The following ADGRL3 variants were observed in gnomAD, a reference collection of about 807,000 sequenced individuals.
ADGRL3 encodes adhesion G protein-coupled receptor L3.
Under a neutral mutation model 153.5 loss-of-function variants are expected in ADGRL3, and 62 were observed. The ratio of observed to expected loss-of-function variants is 0.40; its 90% CI spans 0.33 to 0.50. The LOEUF is 0.50. ADGRL3 is among the 20% of genes least tolerant of loss of function. The pLI is 0.47. For missense variants in ADGRL3, 1,641 were observed against 1,859.4 expected (o/e 0.88, Z 2.16); for synonymous variants, 710 against 672.5 (o/e 1.06, Z -0.86).
chr4:61,498,735 A>G (rs2098349719), intron 3 of ADGRL3, among the ~76,000 whole-genome samples: 1 of 152,178 alleles, frequency 6.6e-6, no homozygotes, highest in African/African-American at 2.4e-5. Context: ...GTACCTTTGC[A>G]AATTTTATAA....
intron 8 of ADGRL3, among the ~76,000 whole-genome samples, chr4:61,787,078 G>C (rs1010684596): frequency 3.0e-4 from 46 of 152,188 alleles, no homozygotes; most frequent in African/African-American, 1.1e-3. Flanking sequence ...CCTGGGCAAG[G>C]TATACCTTGA....
intron 6 of ADGRL3, among the ~76,000 whole-genome samples, chr4:61,682,645 A>T (rs1263921639): frequency 6.6e-6 from 1 of 150,402 alleles, no homozygotes; most frequent in African/African-American, 2.4e-5. Flanking sequence ...GTCTTAAGCA[A>T]TCTTCCCGCC....
At chr4:61,861,308 A>C (rs1258914510) in intron 9 of ADGRL3, among the ~76,000 whole-genome samples, 1 of 152,208 alleles carries the variant, frequency 6.6e-6, no homozygotes, top group Non-Finnish European at 1.5e-5. Context: ...GTGAAGATTA[A>C]ATCAAATAAC....
chr4:61,631,971 C>A (rs2150035098), intron 5 of ADGRL3, among the ~76,000 whole-genome samples: 1 of 152,068 alleles, frequency 6.6e-6, no homozygotes, highest in South Asian at 2.1e-4. Flanking sequence ...GTAGTGTTTT[C>A]TTTAAAAGTA....
At chr4:61,532,722 G>C (rs1196205838) in intron 4 of ADGRL3, among the ~76,000 whole-genome samples, 2 of 150,588 alleles carry the variant, frequency 1.3e-5, no homozygotes, top group African/African-American at 4.9e-5. Flanking sequence ...AAAACCGATA[G>C]TAACACCAGC....
intron 9 of ADGRL3, among the ~76,000 whole-genome samples, chr4:61,818,805 G>T (rs1375915192): frequency 6.6e-6 from 1 of 152,028 alleles, no homozygotes; most frequent in Non-Finnish European, 1.5e-5. Flanking sequence ...CTCCTAAATT[G>T]TTCTGTGATT....
chr4:61,890,769 G>A (rs1252551747), intron 9 of ADGRL3, among the ~76,000 whole-genome samples: 1 of 152,086 alleles, frequency 6.6e-6, no homozygotes, highest in Non-Finnish European at 1.5e-5. Flanking sequence ...GTAGTATGAT[G>A]TCAAAAAAGA....
intron 5 of ADGRL3, among the ~76,000 whole-genome samples, chr4:61,613,687 T>A (rs1197230925): frequency 6.6e-6 from 1 of 152,184 alleles, no homozygotes; most frequent in African/African-American, 2.4e-5. Flanking sequence ...GAGGCTGCAA[T>A]GAGCCAAAAT....
chr4:62,031,728 T>C (rs956561926), intron 23 of ADGRL3, 118 bp downstream of exon 23: 21 of 692,298 alleles, frequency 3.0e-5, no homozygotes, highest in Admixed American at 9.0e-5. Context: ...ATAAAGATAC[T>C]CATCATTTAT....
At chr4:61,367,853 A>G (rs1221989701) in intron 1 of ADGRL3, among the ~76,000 whole-genome samples, 1 of 130,852 alleles carries the variant, frequency 7.6e-6, no homozygotes, top group Non-Finnish European at 1.6e-5. Flanking sequence ...CAGTCCCACC[A>G]ACAGTGTAAA....
At chr4:61,229,050 G>A (rs767438212) in intron 1 of ADGRL3, among the ~76,000 whole-genome samples, 6 of 152,172 alleles carry the variant, frequency 3.9e-5, no homozygotes, top group Non-Finnish European at 7.4e-5. Context: ...TACAGATACA[G>A]TAAATGTCCT....
In ADGRL3 at chr4:62,044,447, A is replaced by G; in HGVS notation, c.3718-6A>G. 1 of 1,578,378 alleles carries G rather than the reference A, an allele frequency of 6.3e-7. No individual in the cohort carries two copies. Among genetic ancestry groups the G allele is most frequent in the Non-Finnish European group, 8.6e-7 (1 of 1,160,140 alleles). On this transcript the variant is annotated splice_region_variant and splice_polypyrimidine_tract_variant and intron_variant, in intron 24 of 26. Transcript: ENST00000683033. The stretch of plus-strand genomic sequence containing the variant: ...TCATTTTCTTTCTGCCTTTTCCCCC[A>G]CCCAGAGCCGAATCCGTAGAATGTG...
chr4:61,991,238 C>T lies in ADGRL3; in HGVS notation c.3237-5053C>T, dbSNP rs183320802. 3.1e-4 allele frequency among the ~76,000 whole-genome samples: 47 copies of T among 151,740 alleles called. 1 individual carries two copies. The highest frequency in any genetic ancestry group is 5.2e-4 in the Non-Finnish European group (35 of 67,842). On this transcript the variant is annotated intron_variant, in intron 19 of 26. Coordinates refer to ENST00000683033, the MANE Select transcript of ADGRL3 (RefSeq NM_001387552.1). ...AAAAAGCAACCATTTACTAGAGTAG[C>T]GATTACAATTCTTGTTTTATTTTTA... is the stretch of plus-strand genomic sequence containing the variant.
At chr4:61,412,599 AG>A (rs150146192) in intron 2 of ADGRL3, among the ~76,000 whole-genome samples, 52 of 152,226 alleles carry the variant, frequency 3.4e-4, no homozygotes, top group Non-Finnish European at 6.9e-4. Flanking sequence ...GTAGTTTCTG[AG>A]GCTCTTTTCA....
chr4:61,566,277 T>C (rs2098815808), intron 4 of ADGRL3, among the ~76,000 whole-genome samples: 1 of 152,190 alleles, frequency 6.6e-6, no homozygotes, highest in African/African-American at 2.4e-5. Context: ...TCTGTGTGTG[T>C]CTGTGTCGAG....
rs768257402 is a variant in ADGRL3, at chr4:61,947,131, A to G, written c.2628+9A>G. ...CTGTTAAACATATCAAGGTAAGAAA[A>G]TGGCATATTAGCTTGGTTGTTCATA... is the stretch of plus-strand genomic sequence containing the variant. On this transcript the variant is annotated intron_variant, in intron 16 of 26. Transcript: ENST00000683033. 2 of 1,600,958 alleles carry G rather than the reference A, an allele frequency of 1.2e-6. No individual in the cohort carries two copies. The highest frequency in any genetic ancestry group is 1.1e-5 in the South Asian group (1 of 90,810).
intron 4 of ADGRL3, among the ~76,000 whole-genome samples, chr4:61,546,805 A>C (rs1008322371): frequency 6.6e-6 from 1 of 152,224 alleles, no homozygotes; most frequent in Non-Finnish European, 1.5e-5. Context: ...AAAAAATTGA[A>C]GAAATAGTCC....
intron 4 of ADGRL3, among the ~76,000 whole-genome samples, chr4:61,564,749 G>A (rs539294355): frequency 6.6e-6 from 1 of 152,286 alleles, no homozygotes; most frequent in Admixed American, 6.5e-5. Context: ...AGTGAGAGAT[G>A]TGCCACTCTT....
At chr4:61,387,646 C>T (rs1473022154) in intron 2 of ADGRL3, among the ~76,000 whole-genome samples, 10 of 152,098 alleles carry the variant, frequency 6.6e-5, no homozygotes, top group South Asian at 2.1e-4. Context: ...CCTGGCTCAC[C>T]GGTGGTCAGA....
Sources: allele counts gnomAD v4.1 joint callset (sites outside exome capture counted in the v4.1 genomes callset), GRCh38; gene constraint gnomAD v4.1.1; transcripts MANE v1.5; gene names NCBI Gene and HGNC (gene_info 2026-07-23, HGNC 2026-07-21).